Variants in KIRREL3 observed in about 807,000 individuals in gnomAD.
KIRREL3 encodes the protein kirre like nephrin family adhesion molecule 3.
In KIRREL3, 36 loss-of-function variants were observed where a neutral mutation model predicts 89.7. The observed-to-expected ratio is 0.40, with a 90% confidence interval of 0.31 to 0.53. The LOEUF is 0.53. Ranked by LOEUF, KIRREL3 falls within the 20% of genes least tolerant of loss-of-function variation. The pLI is 0.49. For missense variants in KIRREL3, 864 were observed against 1,056.6 expected (o/e 0.82, Z 2.53); for synonymous variants, 445 against 441.4 (o/e 1.01, Z -0.10).
chr11:126,444,941 C>T (rs1955732144), intron 10 of KIRREL3, 38 bp downstream of exon 10: 1 of 1,610,038 alleles, frequency 6.2e-7, no homozygotes, highest in Non-Finnish European at 8.5e-7. Flanking sequence ...GTCCTTCTTC[C>T]CTCCCTCAGG....
At position 126,676,182 on chromosome 11, in the gene KIRREL3, C is replaced by T. The variant is rs1312967763; in HGVS notation, c.56-113270G>A. 6.6e-6 allele frequency among the ~76,000 whole-genome samples: 1 copy of T among 152,138 alleles called. No homozygotes were observed. The highest frequency in any genetic ancestry group is 2.4e-5 in the African/African-American group (1 of 41,424). On this transcript the variant is annotated intron_variant, in intron 1 of 16. Transcript: ENST00000525144. This position sits in a 1 kb window ranked among gnomAD's most constrained non-coding sequence, Gnocchi z 4.5. Reference sequence around the variant, plus strand: ...TGAAGAGAGACTTCATTAGAGATTACAAGCAGGGGTGTCATCAGCATCAAG... The same window carrying T: ...TGAAGAGAGACTTCATTAGAGATTATAAGCAGGGGTGTCATCAGCATCAAG...
rs528894577 is a variant in KIRREL3 at position 126,861,819 on chromosome 11, G to T, written c.55+138636C>A. 2.5e-4 allele frequency among the ~76,000 whole-genome samples: 38 copies of T among 152,272 alleles called. No homozygotes were observed. In the South Asian group the frequency reaches 7.5e-3, roughly 30 times the overall value. On this transcript the variant is annotated intron_variant, in intron 1 of 16. Transcript: ENST00000525144. ...TGGACTGACTGCTTCTCGAGGGATA[G>T]TCCTTGAGGTGTGGACGTCCAAAAG...
intron 1 of KIRREL3, among the ~76,000 whole-genome samples, chr11:126,717,578 C>T (rs1010583978): frequency 6.6e-6 from 1 of 152,198 alleles, no homozygotes; most frequent in Admixed American, 6.5e-5. Context: ...ACACCTTGTC[C>T]TCCATCCTCA....
At chr11:126,458,182 GT>G (rs1182669545) in intron 6 of KIRREL3, among the ~76,000 whole-genome samples, 1 of 152,232 alleles carries the variant, frequency 6.6e-6, no homozygotes, top group Non-Finnish European at 1.5e-5. Context: ...TTCTGGGTCA[GT>G]CCCCACCAAC....
At chr11:126,691,404 T>G (rs1946873783) in intron 1 of KIRREL3, among the ~76,000 whole-genome samples, 1 of 152,180 alleles carries the variant, frequency 6.6e-6, no homozygotes, top group Admixed American at 6.5e-5. Context: ...GACAGGAGAC[T>G]GGATCAATAT....
At chr11:126,597,379 T>C (rs772331240) in intron 1 of KIRREL3, among the ~76,000 whole-genome samples, 7 of 152,250 alleles carry the variant, frequency 4.6e-5, no homozygotes, top group African/African-American at 9.6e-5. Flanking sequence ...AGTGGCCAAG[T>C]TTAGTTTTTA....
chr11:126,474,024 G>A lies in KIRREL3; in HGVS notation c.434-558C>T, dbSNP rs1438921516. ...TCAACATGTTGGCCAGGCTGGTCTT[G>A]AACTCCTGACCTCAGGTGATCTGCT... is the stretch of plus-strand genomic sequence containing the variant. On this transcript the variant is annotated intron_variant, in intron 4 of 16. Transcript: ENST00000525144. This position sits in a 1 kb window ranked among gnomAD's most constrained non-coding sequence, Gnocchi z 6.7. Among the ~76,000 whole-genome samples the A allele has an allele frequency of 6.6e-6, 1 of 151,042 alleles. No homozygotes were observed. The highest frequency in any genetic ancestry group is 2.4e-5 in the African/African-American group (1 of 41,018).
intron 5 of KIRREL3, among the ~76,000 whole-genome samples, chr11:126,472,645 C>T (rs1165360254): frequency 6.7e-6 from 1 of 150,016 alleles, no homozygotes; most frequent in Non-Finnish European, 1.5e-5. Flanking sequence ...CCTGAGTCTC[C>T]TCGTCTGACC....
At position 126,943,043 on chromosome 11, in the gene KIRREL3, C is replaced by T; in HGVS notation, c.55+57412G>A. Among the ~76,000 whole-genome samples, 1 of 152,204 alleles carries T rather than the reference C, an allele frequency of 6.6e-6. No homozygotes were observed. Among genetic ancestry groups the T allele is most frequent in the Non-Finnish European group, 1.5e-5 (1 of 68,034 alleles). On this transcript the variant is annotated intron_variant, in intron 1 of 16. Transcript: ENST00000525144. This position sits in a 1 kb window ranked among gnomAD's most constrained non-coding sequence, Gnocchi z 4.2. The stretch of plus-strand genomic sequence containing the variant: ...AGATTTTATTCTAAGATATTCCCTC[C>T]AATCCCCACCCACTGCAGACAAAGT...
intron 1 of KIRREL3, among the ~76,000 whole-genome samples, chr11:126,589,186 C>G (rs1942019855): frequency 6.6e-6 from 1 of 152,230 alleles, no homozygotes; most frequent in Non-Finnish European, 1.5e-5. Context: ...TATTTCTCCT[C>G]TGTTCATCAC....
rs979008753 is a variant in KIRREL3 at position 126,523,725 on chromosome 11, C to A, written c.284-2261G>T. ...CCCAATCCTCTCCCTGCTGCCGCTG[C>A]CTTCCTTGTAGCTGGCTGGCTACCC... On this transcript the variant is annotated intron_variant, in intron 3 of 16. Transcript: ENST00000525144. This position sits in a 1 kb window ranked among gnomAD's most constrained non-coding sequence, Gnocchi z 4.9. Among the ~76,000 whole-genome samples, 4 of 152,206 alleles carry A rather than the reference C, an allele frequency of 2.6e-5. No homozygotes were observed. Among genetic ancestry groups the A allele is most frequent in the Non-Finnish European group, 4.4e-5 (3 of 68,036 alleles).
Position 126,647,521 on chromosome 11 carries a change from G to A in KIRREL3, c.56-84609C>T, listed in dbSNP as rs1199469587. Among the ~76,000 whole-genome samples the A allele has an allele frequency of 2.0e-5, 3 of 152,138 alleles. No individual in the cohort carries two copies. The highest frequency in any genetic ancestry group is 4.4e-5 in the Non-Finnish European group (3 of 68,026). On this transcript the variant is annotated intron_variant, in intron 1 of 16. Coordinates refer to ENST00000525144, the MANE Select transcript of KIRREL3 (RefSeq NM_032531.4). The surrounding 1 kb of genome is among the most constrained non-coding windows in gnomAD (Gnocchi z 4.9). ...CCTTTCATTCAGCAAACGTTTATCAGGCACCTTTTAGTGTAAGGTACTCTG... is the reference window on the plus strand; with the variant it reads ...CCTTTCATTCAGCAAACGTTTATCAAGCACCTTTTAGTGTAAGGTACTCTG...
chr11:126,925,107 G>T lies in KIRREL3; in HGVS notation c.55+75348C>A, dbSNP rs934743692. 5.4e-5 allele frequency among the ~76,000 whole-genome samples: 8 copies of T among 148,208 alleles called. 1 individual carries two copies. Among genetic ancestry groups the T allele is most frequent in the South Asian group, 2.3e-4 (1 of 4,388 alleles). On this transcript the variant is annotated intron_variant, in intron 1 of 16. Transcript: ENST00000525144. Reference sequence around the variant, plus strand: ...TCACCATAAAAAGGTCGGGGGGGGGGGGGGGCTGTTGGTCACAGGATTGTG... The same window carrying T: ...TCACCATAAAAAGGTCGGGGGGGGGTGGGGGCTGTTGGTCACAGGATTGTG...
intron 11 of KIRREL3, among the ~76,000 whole-genome samples, chr11:126,439,394 C>G (rs1322622537): frequency 6.6e-6 from 1 of 151,786 alleles, no homozygotes; most frequent in Non-Finnish European, 1.5e-5. Flanking sequence ...GTTGTAGAGA[C>G]AGGGTCTCAC....
At position 126,918,115 on chromosome 11, in the gene KIRREL3, G is replaced by A. The variant is rs190403111; in HGVS notation, c.55+82340C>T. Among the ~76,000 whole-genome samples, 2 of 152,264 alleles carry A rather than the reference G, an allele frequency of 1.3e-5. No homozygotes were observed. Among genetic ancestry groups the A allele is most frequent in the East Asian group, 3.9e-4 (2 of 5,184 alleles). On this transcript the variant is annotated intron_variant, in intron 1 of 16. Coordinates refer to ENST00000525144, the MANE Select transcript of KIRREL3 (RefSeq NM_032531.4). The surrounding 1 kb of genome is among the most constrained non-coding windows in gnomAD (Gnocchi z 6.5). ...GCATGCCTCTCAGAGGGAAGACAGA[G>A]ACTCACGGTATGGCAGTTGAAGGAC...
At position 126,669,575 on chromosome 11, in the gene KIRREL3, C is replaced by T. The variant is rs1313266409; in HGVS notation, c.56-106663G>A. Among the ~76,000 whole-genome samples, 1 of 152,188 alleles carries T rather than the reference C, an allele frequency of 6.6e-6. No homozygotes were observed. The highest frequency in any genetic ancestry group is 1.9e-4 in the East Asian group (1 of 5,202). On this transcript the variant is annotated intron_variant, in intron 1 of 16. Coordinates refer to ENST00000525144, the MANE Select transcript of KIRREL3 (RefSeq NM_032531.4). This position sits in a 1 kb window ranked among gnomAD's most constrained non-coding sequence, Gnocchi z 5.0. Reference sequence around the variant, plus strand: ...CATGGGTACAGATCTCAGTAGCACACATGGAACATTTGCTAACTCCGTGGT... The same window carrying T: ...CATGGGTACAGATCTCAGTAGCACATATGGAACATTTGCTAACTCCGTGGT...
intron 13 of KIRREL3, among the ~76,000 whole-genome samples, chr11:126,433,433 C>A (rs751122391): frequency 6.6e-6 from 1 of 152,168 alleles, no homozygotes; most frequent in South Asian, 2.1e-4. Context: ...AGGGAGCTGG[C>A]GCCCCTGGCT....
intron 1 of KIRREL3, among the ~76,000 whole-genome samples, chr11:126,947,090 G>C (rs1948639881): frequency 6.6e-6 from 1 of 152,110 alleles, no homozygotes; most frequent in African/African-American, 2.4e-5. Context: ...CAAAGCCAGT[G>C]TTTTCTGAAT....
intron 1 of KIRREL3, among the ~76,000 whole-genome samples, chr11:126,731,147 C>T (rs900881473): frequency 6.6e-6 from 1 of 152,214 alleles, no homozygotes; most frequent in Non-Finnish European, 1.5e-5. Context: ...AATCTGTCTG[C>T]ATGTCTCCAT....
Sources: allele counts gnomAD v4.1 joint callset (sites outside exome capture counted in the v4.1 genomes callset), GRCh38; gene constraint gnomAD v4.1.1; non-coding constraint Gnocchi (gnomAD v3.1); transcripts MANE v1.5; gene names NCBI Gene and HGNC (gene_info 2026-07-23, HGNC 2026-07-21).